Variants in B3GALT1 observed in about 807,000 individuals in gnomAD.
B3GALT1 encodes UDP-Gal:betaGlcNAc beta 1,3-galactosyltransferase, polypeptide 1.
B3GALT1 carries 10 observed loss-of-function variants against 23.2 expected under a neutral mutation model. The ratio of observed to expected loss-of-function variants is 0.43; its 90% confidence interval spans 0.27 to 0.73. The LOEUF (loss-of-function observed/expected upper bound fraction) is 0.73. B3GALT1 is among the 30% of genes least tolerant of loss of function. The pLI, the probability that B3GALT1 is intolerant of heterozygous loss-of-function variation, is 0.21. For synonymous variants in B3GALT1, 156 were observed against 141.5 expected (o/e 1.10, Z -0.73); for missense variants, 299 against 405.4 (o/e 0.74, Z 2.25).
At chr2:167,566,913 C>T (rs996019662) in intron 2 of B3GALT1, among the ~76,000 whole-genome samples, 1 of 152,148 alleles carries the variant, frequency 6.6e-6, no homozygotes, top group South Asian at 2.1e-4. Context: ...AATCTTAGAT[C>T]GTGAACCATC....
At chr2:167,340,416 C>T (rs550365064) in intron 1 of B3GALT1, among the ~76,000 whole-genome samples, 1 of 151,810 alleles carries the variant, frequency 6.6e-6, no homozygotes, top group East Asian at 1.9e-4. Flanking sequence ...GCAGTCTACC[C>T]CTGAAGACAT....
intron 1 of B3GALT1, among the ~76,000 whole-genome samples, chr2:167,429,631 A>G (rs1359434231): frequency 6.6e-6 from 1 of 152,214 alleles, no homozygotes; most frequent in Admixed American, 6.5e-5. Context: ...AAAAGCAAGC[A>G]CAGTGTTGTA....
At chr2:167,689,140 CA>C (rs35745682) in intron 3 of B3GALT1, among the ~76,000 whole-genome samples, 22,902 of 137,192 alleles carry the variant, frequency 0.17, 1,781 homozygotes, top group African/African-American at 0.2. Flanking sequence ...CCAAAAAGAC[CA>C]AAAAAAAAAA....
chr2:167,419,355 G>A (rs529910395), intron 1 of B3GALT1, among the ~76,000 whole-genome samples: 18 of 152,236 alleles, frequency 1.2e-4, no homozygotes, highest in African/African-American at 3.9e-4. Context: ...TTTAATTTGT[G>A]TTTTTTCCTT....
At chr2:167,456,180 A>G (rs1699171204) in intron 1 of B3GALT1, among the ~76,000 whole-genome samples, 1 of 152,208 alleles carries the variant, frequency 6.6e-6, no homozygotes, top group South Asian at 2.1e-4. Flanking sequence ...AAAGCTTCCA[A>G]TCATGGTGGA....
intron 2 of B3GALT1, among the ~76,000 whole-genome samples, chr2:167,505,472 A>G (rs1030158188): frequency 1.3e-5 from 2 of 152,184 alleles, no homozygotes; most frequent in Non-Finnish European, 2.9e-5. Flanking sequence ...CAAATTTATC[A>G]ATGGCCAAGT....
intron 2 of B3GALT1, among the ~76,000 whole-genome samples, chr2:167,601,672 T>G (rs1684879435): frequency 6.6e-6 from 1 of 152,214 alleles, no homozygotes; most frequent in Non-Finnish European, 1.5e-5. Flanking sequence ...GGCCTGCAGC[T>G]AATCGAGTGG....
chr2:167,575,266 T>TCA (rs1684360811), intron 2 of B3GALT1, among the ~76,000 whole-genome samples: 1 of 151,932 alleles, frequency 6.6e-6, no homozygotes, highest in East Asian at 1.9e-4. Context: ...AATACTGACT[T>TCA]TACAGTCTGG....
intron 4 of B3GALT1, among the ~76,000 whole-genome samples, chr2:167,867,808 G>T (rs1690263659): frequency 6.6e-6 from 1 of 152,162 alleles, no homozygotes; most frequent in Non-Finnish European, 1.5e-5. Flanking sequence ...TCATAACCAG[G>T]CATATAGGAA....
chr2:167,583,009 T>C (rs1684515258), intron 2 of B3GALT1, among the ~76,000 whole-genome samples: 1 of 152,154 alleles, frequency 6.6e-6, no homozygotes, highest in African/African-American at 2.4e-5. Context: ...CCCTAGTGAC[T>C]TGGTTGAACA....
intron 3 of B3GALT1, among the ~76,000 whole-genome samples, chr2:167,741,391 A>G (rs1167920809): frequency 1.3e-5 from 2 of 152,216 alleles, no homozygotes; most frequent in Non-Finnish European, 2.9e-5. Context: ...TAGTTAAAAC[A>G]TCTTCCATGC....
intron 4 of B3GALT1, among the ~76,000 whole-genome samples, chr2:167,864,967 T>TAA (rs113084400): frequency 2.7e-5 from 4 of 146,516 alleles, no homozygotes; most frequent in Middle Eastern, 3.5e-3. Context: ...ATTCTTCTGT[T>TAA]AAAAAAAAAA....
intron 3 of B3GALT1, among the ~76,000 whole-genome samples, chr2:167,689,986 A>G (rs1216798073): frequency 2.0e-5 from 3 of 152,166 alleles, no homozygotes; most frequent in Non-Finnish European, 4.4e-5. Flanking sequence ...GAAGACATCG[A>G]GAAGTAAATT....
intron 3 of B3GALT1, among the ~76,000 whole-genome samples, chr2:167,795,741 A>G (rs1688536782): frequency 6.6e-6 from 1 of 152,208 alleles, no homozygotes; most frequent in Non-Finnish European, 1.5e-5. Flanking sequence ...GTTGATTTAA[A>G]TTCTAAAGCT....
intron 1 of B3GALT1, among the ~76,000 whole-genome samples, chr2:167,441,433 G>A (rs1002132712): frequency 1.3e-5 from 2 of 152,062 alleles, no homozygotes; most frequent in Admixed American, 1.3e-4. Context: ...GCTGCCTCAG[G>A]TCTTGGGTTT....
intron 1 of B3GALT1, among the ~76,000 whole-genome samples, chr2:167,395,771 A>G (rs2105285847): frequency 6.6e-6 from 1 of 152,208 alleles, no homozygotes; most frequent in Admixed American, 6.5e-5. Context: ...TCAAGAAGAT[A>G]ATTCATACTT....
At chr2:167,605,126 A>G (rs370302428) in intron 2 of B3GALT1, among the ~76,000 whole-genome samples, 12 of 152,294 alleles carry the variant, frequency 7.9e-5, no homozygotes, top group Middle Eastern at 3.4e-3. Context: ...TTGGCACTGG[A>G]TGGCAGTGTG....
intron 2 of B3GALT1, among the ~76,000 whole-genome samples, chr2:167,601,575 A>C (rs1684878155): frequency 6.6e-6 from 1 of 152,210 alleles, no homozygotes; most frequent in Non-Finnish European, 1.5e-5. Context: ...TTTATTGACC[A>C]CTTTACAACC....
chr2:167,617,907 G>T (rs2105436970), intron 2 of B3GALT1, among the ~76,000 whole-genome samples: 1 of 152,074 alleles, frequency 6.6e-6, no homozygotes, highest in South Asian at 2.1e-4. Context: ...ATAATTAAAA[G>T]GAATGTTATA....
Sources: allele counts gnomAD v4.1 joint callset (sites outside exome capture counted in the v4.1 genomes callset), GRCh38; gene constraint gnomAD v4.1.1; transcripts MANE v1.5; gene names NCBI Gene and HGNC (gene_info 2026-07-23, HGNC 2026-07-21).